HSPA12B: variants seen among roughly 807,000 people sequenced by gnomAD.
HSPA12B encodes heat shock protein family A (Hsp70) member 12B, also known as heat shock 70 kDa protein 12B.
HSPA12B carries 54 observed loss-of-function variants against 69.3 expected under a neutral mutation model. The ratio of observed to expected loss-of-function variants is 0.78; its 90% CI spans 0.63 to 0.98. The LOEUF is 0.98. Ranked by LOEUF, HSPA12B falls within the 50% of genes least tolerant of loss-of-function variation. The pLI is 0.00. For synonymous variants in HSPA12B, 441 were observed against 436.5 expected, an observed-to-expected ratio of 1.01 and a Z score of -0.13; for missense variants, 929 against 999.8, an observed-to-expected ratio of 0.93 and a Z score of 0.96.
intron 7 of HSPA12B, among the ~76,000 whole-genome samples, chr20:3,747,962 G>T (rs2088336884): frequency 6.6e-6 from 1 of 152,248 alleles, no homozygotes; most frequent in Non-Finnish European, 1.5e-5. Flanking sequence ...TCTGCATTCT[G>T]TCTAGAGTCT....
At chr20:3,738,615 G>T in intron 1 of HSPA12B, 43 bp from the exon 2 acceptor site, 1 of 1,572,424 alleles carries the variant, frequency 6.4e-7, no homozygotes, top group South Asian at 1.1e-5. Flanking sequence ...AGGGAACAAA[G>T]GGACAAATAA....
rs1214734480 is a variant in HSPA12B at position 3,752,946 on chromosome 20, C to T, written c.*780C>T. The stretch of plus-strand genomic sequence containing the variant: ...CAGAGGGAGCAATGAGGGGTGGTCC[C>T]AGCTCTGCTATTGACTCGGTATGCC... On this transcript the variant is annotated 3_prime_UTR_variant, in exon 13 of 13. Coordinates refer to ENST00000254963, the MANE Select transcript of HSPA12B (RefSeq NM_052970.5). 1 of 153,708 alleles carries T rather than the reference C, an allele frequency of 6.5e-6. No homozygotes were observed. The highest frequency in any genetic ancestry group is 2.4e-5 in the African/African-American group (1 of 41,440). The allele number at this position is 153,708 out of a possible 1,614,324, so 9.5% of individuals were successfully genotyped here. A position where few individuals can be genotyped will look rare whatever the true frequency, so the allele number is the denominator to read the frequency against.
Position 3,751,389 on chromosome 20 carries a change from G to C in HSPA12B, c.1406-122G>C, listed in dbSNP as rs1463416757. The C allele has an allele frequency of 2.2e-6, 3 of 1,346,342 alleles. No individual in the cohort carries two copies. In the African/African-American group the frequency reaches 4.5e-5, roughly 20 times the overall value. The allele number at this position is 1,346,342 out of a possible 1,614,324, so 83.4% of individuals were successfully genotyped here. ...TCAAATGGCTACTTTCTAGTCGCCA[G>C]GTAGGTACAGGCTAGGGAGGGGAGG... On this transcript the variant is annotated intron_variant, in intron 12 of 12. Coordinates refer to ENST00000254963, the MANE Select transcript of HSPA12B (RefSeq NM_052970.5).
chr20:3,734,737 A>ATTT (rs35209985), intron 1 of HSPA12B, among the ~76,000 whole-genome samples: 3,444 of 120,218 alleles, frequency 0.029, 179 homozygotes, highest in African/African-American at 0.078. Context: ...CTTTAACACA[A>ATTT]TTTTTTTTTT....
rs1215814887 is a variant in HSPA12B, at chr20:3,751,758, T to C, written c.1653T>C (p.Phe551=). The C allele has an allele frequency of 1.3e-6, 2 of 1,524,572 alleles. No individual in the cohort carries two copies. Among genetic ancestry groups the C allele is most frequent in the Non-Finnish European group, 1.8e-6 (2 of 1,141,728 alleles). The allele number at this position is 1,524,572 out of a possible 1,614,324, so 94.4% of individuals were successfully genotyped here. A position where few individuals can be genotyped will look rare whatever the true frequency, so the allele number is the denominator to read the frequency against. The change falls in exon 13 of 13, where the codon TTT becomes TTC. Residue 551 remains phenylalanine, a synonymous_variant. Transcript: ENST00000254963. ...LTYGVGVLNR[F]VPGRHPPEKL... is the part of the protein sequence containing the mutation. ...ATGGCGTGGGCGTGCTCAACCGCTT[T>C]GTGCCTGGGCGCCACCCGCCCGAAA...
rs771173094 is a variant in HSPA12B, at chr20:3,750,267, C to T, written c.1301+40C>T. ...CGCGGGCTCAGGCAGGGTTTGCCGA[C>T]CCGGGAATGACCGTGCACTGGAGGG... On this transcript the variant is annotated intron_variant, in intron 11 of 12. Coordinates refer to ENST00000254963, the MANE Select transcript of HSPA12B (RefSeq NM_052970.5). 144 of 1,543,630 alleles carry T rather than the reference C, an allele frequency of 9.3e-5. 1 individual carries two copies. The Admixed American group carries it at 2.7e-3, about 29-fold the overall frequency.
chr20:3,750,683 C>T (rs2088401690), intron 11 of HSPA12B, 121 bp from the exon 12 acceptor site: 15 of 1,573,742 alleles, frequency 9.5e-6, no homozygotes, highest in Admixed American at 1.7e-5. Flanking sequence ...ACACCACGTG[C>T]AGTCGGTGCC....
rs2088423899 is a variant in HSPA12B, at chr20:3,751,647, C to T, written c.1542C>T (p.His514=). 23 of 1,523,232 alleles carry T rather than the reference C, an allele frequency of 1.5e-5. No homozygotes were observed. Among genetic ancestry groups the T allele is most frequent in the Non-Finnish European group, 2.0e-5 (23 of 1,139,768 alleles). The allele number at this position is 1,523,232 out of a possible 1,614,324, so 94.4% of individuals were successfully genotyped here. The change falls in exon 13 of 13, where the codon CAC becomes CAT. Residue 514 remains histidine, a synonymous_variant. Coordinates refer to ENST00000254963, the MANE Select transcript of HSPA12B (RefSeq NM_052970.5). ...GARGLRVVVP[H]DVGLTILKGA... ...GCGGTCTGCGTGTCGTGGTCCCGCA[C>T]GACGTGGGCCTCACCATCCTCAAAG...
chr20:3,747,143 C>T (rs542800134), intron 7 of HSPA12B, among the ~76,000 whole-genome samples: 1 of 152,278 alleles, frequency 6.6e-6, no homozygotes, highest in Non-Finnish European at 1.5e-5. Flanking sequence ...CCCGTGGAGA[C>T]AGAGAGGGCA....
chr20:3,733,356 G>C (rs1021887785), intron 1 of HSPA12B, among the ~76,000 whole-genome samples: 8 of 152,138 alleles, frequency 5.3e-5, no homozygotes, highest in Non-Finnish European at 8.8e-5. Context: ...AGCGTGTGTT[G>C]ATGAGAGAGA....
chr20:3,750,928 C>T (rs780387332), intron 12 of HSPA12B, 21 bp downstream of exon 12: 5 of 1,593,186 alleles, frequency 3.1e-6, no homozygotes, highest in Non-Finnish European at 4.3e-6. Flanking sequence ...GAGCTTGGTC[C>T]CCCACCCGCC....
At chr20:3,743,527 C>T (rs1388640253) in intron 4 of HSPA12B, among the ~76,000 whole-genome samples, 3 of 152,066 alleles carry the variant, frequency 2.0e-5, no homozygotes, top group African/African-American at 7.2e-5. Flanking sequence ...TGTAGACAAA[C>T]ACACACATAT....
chr20:3,738,116 GC>G (rs1452837231), intron 1 of HSPA12B, among the ~76,000 whole-genome samples: 1 of 152,162 alleles, frequency 6.6e-6, no homozygotes, highest in African/African-American at 2.4e-5. Context: ...GGGTGCACAG[GC>G]CCTGCCTGCA....
At chr20:3,742,167 G>C (rs1346603305) in intron 3 of HSPA12B, 117 bp from the exon 4 acceptor site, 2 of 1,465,714 alleles carry the variant, frequency 1.4e-6, no homozygotes, top group African/African-American at 2.8e-5. Flanking sequence ...TCCAGGGCTG[G>C]TCTGGACCAC....
At chr20:3,743,745 T>G (rs2088248891) in intron 4 of HSPA12B, among the ~76,000 whole-genome samples, 1 of 140,478 alleles carries the variant, frequency 7.1e-6, no homozygotes, top group Admixed American at 7.0e-5. Context: ...TCCTCTCATT[T>G]TTCACTATTA....
chr20:3,745,815 G>A lies in HSPA12B; in HGVS notation c.559-100G>A. 8.7e-7 allele frequency: 1 copy of A among 1,145,132 alleles called. No individual in the cohort carries two copies. The highest frequency in any genetic ancestry group is 1.3e-6 in the Non-Finnish European group (1 of 754,770). 70.9% of individuals were successfully genotyped at this position (1,145,132 alleles called of 1,614,324 possible). The stretch of plus-strand genomic sequence containing the variant: ...CCGATTCTTCCAGCTCTGCTGGGAA[G>A]TCCTTCCTGTGATTTGATTAGTACC... On this transcript the variant is annotated intron_variant, in intron 6 of 12. Coordinates refer to ENST00000254963, the MANE Select transcript of HSPA12B (RefSeq NM_052970.5). This position sits in a 1 kb window ranked among gnomAD's most constrained non-coding sequence, Gnocchi z 5.6.
chr20:3,750,313 TG>T lies in HSPA12B; in HGVS notation c.1301+91del, dbSNP rs1320373411. The T allele has an allele frequency of 2.4e-5, 32 of 1,348,438 alleles. No homozygotes were observed. In the East Asian group the frequency reaches 8.0e-4, roughly 34 times the overall value. The allele number at this position is 1,348,438 out of a possible 1,614,324, so 83.5% of individuals were successfully genotyped here. A position where few individuals can be genotyped will look rare whatever the true frequency, so the allele number is the denominator to read the frequency against. ...GAGGGTCCCGGGCCCCAAGGAACGGTGGGGGTCTGCCTGATTCATCCCACAT... is the reference window on the plus strand; with the variant it reads ...GAGGGTCCCGGGCCCCAAGGAACGGTGGGGTCTGCCTGATTCATCCCACAT... On this transcript the variant is annotated intron_variant, in intron 11 of 12. Coordinates refer to ENST00000254963, the MANE Select transcript of HSPA12B (RefSeq NM_052970.5).
At position 3,740,155 on chromosome 20, in the gene HSPA12B, T is replaced by C. The variant is rs2088174306; in HGVS notation, c.44-660T>C. 4.1e-5 allele frequency among the ~76,000 whole-genome samples: 6 copies of C among 147,510 alleles called. No homozygotes were observed. Among genetic ancestry groups the C allele is most frequent in the Admixed American group, 4.0e-4 (6 of 15,046 alleles). ...CTGGCTCAGGGTGTGTGTATGTGTG[T>C]GTGTGGGGGGTGGGAATCAGACTTC... On this transcript the variant is annotated intron_variant, in intron 2 of 12. Coordinates refer to ENST00000254963, the MANE Select transcript of HSPA12B (RefSeq NM_052970.5). The surrounding 1 kb of genome is among the most constrained non-coding windows in gnomAD (Gnocchi z 4.9).
chr20:3,736,447 TG>T (rs1174127397), intron 1 of HSPA12B, among the ~76,000 whole-genome samples: 1 of 152,178 alleles, frequency 6.6e-6, no homozygotes, highest in Non-Finnish European at 1.5e-5. Flanking sequence ...CTGTCCACAA[TG>T]GGGCTGGTTT....
Sources: allele counts gnomAD v4.1 joint callset (sites outside exome capture counted in the v4.1 genomes callset), GRCh38; gene constraint gnomAD v4.1.1; non-coding constraint Gnocchi (gnomAD v3.1); transcripts MANE v1.5; gene names NCBI Gene and HGNC (gene_info 2026-07-23, HGNC 2026-07-21).